CNTN5: variants seen among roughly 807,000 people sequenced by gnomAD.
The protein encoded by CNTN5 is contactin-5.
In CNTN5, 77 loss-of-function variants were observed where a neutral mutation model predicts 129.1. The ratio of observed to expected loss-of-function variants is 0.60; its 90% confidence interval spans 0.50 to 0.72. The LOEUF is 0.72. Among genes scored for constraint, CNTN5 ranks in the 30% least tolerant of loss-of-function variants. The pLI is 0.00. For synonymous variants in CNTN5, 509 were observed against 465.6 expected, an observed-to-expected ratio of 1.09 and a Z score of -1.20; for missense variants, 1,478 against 1,328.8, an observed-to-expected ratio of 1.11 and a Z score of -1.75.
intron 1 of CNTN5, among the ~76,000 whole-genome samples, chr11:99,321,865 C>T (rs1049215621): frequency 6.6e-6 from 1 of 152,084 alleles, no homozygotes; most frequent in Non-Finnish European, 1.5e-5. Flanking sequence ...CATGCATAAC[C>T]TCCATCTCTG....
At chr11:100,091,498 G>C (rs144199324) in intron 13 of CNTN5, among the ~76,000 whole-genome samples, 1 of 139,646 alleles carries the variant, frequency 7.2e-6, no homozygotes, top group Non-Finnish European at 1.5e-5. Flanking sequence ...GTGTAATCTC[G>C]GCTCACTGCA....
intron 16 of CNTN5, among the ~76,000 whole-genome samples, chr11:100,243,468 A>G (rs1481413545): frequency 6.6e-6 from 1 of 152,164 alleles, no homozygotes; most frequent in Non-Finnish European, 1.5e-5. Flanking sequence ...AACCTCTGAC[A>G]ACAGCTTCTT....
At chr11:99,981,097 TA>T (rs1320165302) in intron 8 of CNTN5, among the ~76,000 whole-genome samples, 6 of 126,886 alleles carry the variant, frequency 4.7e-5, no homozygotes, top group Admixed American at 2.6e-4. Context: ...TATATATATA[TA>T]TATATACACA....
At chr11:99,773,783 G>A (rs1016263790) in intron 3 of CNTN5, among the ~76,000 whole-genome samples, 3 of 151,928 alleles carry the variant, frequency 2.0e-5, no homozygotes, top group Non-Finnish European at 1.5e-5. Flanking sequence ...ACCCTGAGTC[G>A]ACCATTGGCT....
chr11:99,341,240 C>T (rs929022900), intron 2 of CNTN5, among the ~76,000 whole-genome samples: 48 of 152,028 alleles, frequency 3.2e-4, no homozygotes, highest in African/African-American at 1.1e-3. Flanking sequence ...ATAAATAAAA[C>T]ATTGAATATT....
rs1020938750 is a variant in CNTN5 at position 99,817,603 on chromosome 11, T to G, written c.56-1941T>G. 2.3e-4 allele frequency among the ~76,000 whole-genome samples: 34 copies of G among 146,370 alleles called. 1 individual carries two copies. The highest frequency in any genetic ancestry group is 8.3e-4 in the African/African-American group (33 of 39,748). ...TAATACTAGTCTGGGATAGTTTTTT[T>G]TTTTTTTTTTTTTTTTTCCTTTATA... is the stretch of plus-strand genomic sequence containing the variant. On this transcript the variant is annotated intron_variant, in intron 3 of 24. Coordinates refer to ENST00000524871, the MANE Select transcript of CNTN5 (RefSeq NM_014361.4).
rs572474683 is a variant in CNTN5 at position 99,976,064 on chromosome 11, C to T, written c.877+19055C>T. ...CCCATACCAAAAGGGAGAAACTGGT[C>T]ATAACCAAGGGGCTACAGGCCCCAT... On this transcript the variant is annotated intron_variant, in intron 8 of 24. Transcript: ENST00000524871. Among the ~76,000 whole-genome samples the T allele has an allele frequency of 2.6e-5, 4 of 152,294 alleles. No homozygotes were observed. The East Asian group carries it at 7.7e-4, about 29-fold the overall frequency.
intron 2 of CNTN5, among the ~76,000 whole-genome samples, chr11:99,504,029 A>T (rs1946523687): frequency 6.6e-6 from 1 of 152,136 alleles, no homozygotes; most frequent in Non-Finnish European, 1.5e-5. Flanking sequence ...GTTCAATGAG[A>T]TGCTTGGCTT....
At chr11:100,284,540 G>A (rs906331785) in intron 18 of CNTN5, among the ~76,000 whole-genome samples, 1 of 152,000 alleles carries the variant, frequency 6.6e-6, no homozygotes, top group African/African-American at 2.4e-5. Context: ...TCACATTTGG[G>A]GAAATGAATC....
At chr11:99,781,168 A>G (rs1945297441) in intron 3 of CNTN5, among the ~76,000 whole-genome samples, 2 of 152,078 alleles carry the variant, frequency 1.3e-5, no homozygotes, top group African/African-American at 4.8e-5. Context: ...AGAAAATGTG[A>G]AATATTCAAG....
chr11:100,041,677 C>A (rs1406336338), intron 9 of CNTN5, among the ~76,000 whole-genome samples: 1 of 152,106 alleles, frequency 6.6e-6, no homozygotes, highest in Non-Finnish European at 1.5e-5. Flanking sequence ...ATAGGCTGAC[C>A]TCAGCATTTA....
intron 8 of CNTN5, among the ~76,000 whole-genome samples, chr11:99,958,524 T>C (rs945393352): frequency 1.1e-4 from 16 of 152,172 alleles, no homozygotes; most frequent in Non-Finnish European, 1.9e-4. Context: ...CAGATACATA[T>C]TCCTAATACC....
chr11:100,074,227 C>T lies in CNTN5; in HGVS notation c.1513C>T (p.Pro505Ser), dbSNP rs748042022. The T allele has an allele frequency of 9.9e-6, 16 of 1,611,616 alleles. No individual in the cohort carries two copies. The African/African-American group carries it at 1.2e-4, about 12-fold the overall frequency. ...CCAAGAAGTTGTCATAGAGTGCAAA[C>T]CCCAAGGCTCTCCAAAACCAACCAT... ...KDQEVVIECK[P>S]QGSPKPTISW... Residue 505 changes from proline (P) to serine (S), a missense_variant, in exon 13 of 25, where the codon CCC becomes TCC. Coordinates refer to ENST00000524871, the MANE Select transcript of CNTN5 (RefSeq NM_014361.4).
intron 7 of CNTN5, among the ~76,000 whole-genome samples, chr11:99,939,653 A>T (rs1270143287): frequency 6.6e-6 from 1 of 152,078 alleles, no homozygotes; most frequent in African/African-American, 2.4e-5. Context: ...TATTTAATAG[A>T]AAAAAATAGG....
chr11:100,027,801 GC>G (rs1941502840), intron 9 of CNTN5, among the ~76,000 whole-genome samples: 1 of 152,120 alleles, frequency 6.6e-6, no homozygotes. Context: ...GCAAGCTTGG[GC>G]AGTTGTATGA....
chr11:100,096,085 G>T (rs1944999813), intron 13 of CNTN5, among the ~76,000 whole-genome samples: 1 of 152,032 alleles, frequency 6.6e-6, no homozygotes, highest in African/African-American at 2.4e-5. Context: ...ACTAAAGTTA[G>T]AAGGATCCTT....
intron 2 of CNTN5, among the ~76,000 whole-genome samples, chr11:99,445,922 A>G (rs1371880861): frequency 1.3e-5 from 2 of 151,936 alleles, no homozygotes; most frequent in East Asian, 1.9e-4. Context: ...TGTCTCTACT[A>G]AAAATACAAA....
chr11:100,108,009 A>C (rs1451307313), intron 13 of CNTN5, among the ~76,000 whole-genome samples: 3 of 150,494 alleles, frequency 2.0e-5, no homozygotes, highest in Admixed American at 6.6e-5. Flanking sequence ...TTTTGTAAAG[A>C]AAAGGCCTAA....
chr11:100,167,112 A>G (rs1171983633), intron 13 of CNTN5, among the ~76,000 whole-genome samples: 4 of 151,700 alleles, frequency 2.6e-5, no homozygotes, highest in Non-Finnish European at 5.9e-5. Context: ...TTAAAGTGGC[A>G]TTTCCTGCCA....
Sources: gnomAD v4.1 joint callset for allele counts (sites outside exome capture counted in the v4.1 genomes callset) on GRCh38, gnomAD v4.1.1 for gene constraint, MANE v1.5 for transcripts, NCBI Gene and HGNC (gene_info 2026-07-23, HGNC 2026-07-21) for gene names.